SAMD5: variants seen among roughly 807,000 people sequenced by gnomAD.
The protein encoded by SAMD5 is sterile alpha motif domain-containing protein 5.
SAMD5 carries 13 observed loss-of-function variants against 11.3 expected under a neutral mutation model. The observed-to-expected ratio is 1.15, with a 90% CI of 0.75 to 1.83. The LOEUF is 1.83. SAMD5 is among the 40% of genes most tolerant of loss of function. The pLI, the probability that SAMD5 is intolerant of heterozygous loss-of-function variation, is 0.00. For synonymous variants in SAMD5, 129 were observed against 111.3 expected (o/e 1.16, Z -1.00); for missense variants, 255 against 239.1 (o/e 1.07, Z -0.44).
intron 1 of SAMD5, among the ~76,000 whole-genome samples, chr6:147,643,420 T>G (rs2128452572): frequency 6.6e-6 from 1 of 152,276 alleles, no homozygotes; most frequent in African/African-American, 2.4e-5. Flanking sequence ...GAAGGTAATT[T>G]TTTCCAGCTG....
At chr6:147,513,746 G>A (rs776114189) in intron 1 of SAMD5, among the ~76,000 whole-genome samples, 3 of 152,246 alleles carry the variant, frequency 2.0e-5, no homozygotes, top group Non-Finnish European at 4.4e-5. Context: ...TAAGCAGAGG[G>A]TAGGTGGTAA....
At chr6:147,637,811 T>G (rs1790252461) in intron 1 of SAMD5, among the ~76,000 whole-genome samples, 1 of 152,004 alleles carries the variant, frequency 6.6e-6, no homozygotes, top group African/African-American at 2.4e-5. Context: ...GTCATCAGAG[T>G]GCTTTTCTGA....
At chr6:147,638,913 G>A (rs1790271243) in intron 1 of SAMD5, among the ~76,000 whole-genome samples, 1 of 152,104 alleles carries the variant, frequency 6.6e-6, no homozygotes, top group South Asian at 2.1e-4. Flanking sequence ...GTAAGCTAGT[G>A]TTTTCTAATA....
intron 1 of SAMD5, among the ~76,000 whole-genome samples, chr6:147,579,539 C>G (rs1028314268): frequency 3.8e-4 from 53 of 138,484 alleles, no homozygotes; most frequent in African/African-American, 1.4e-3. Context: ...GATCTCAGCT[C>G]ACTGCAACCT....
the SAMD5 span, among the ~76,000 whole-genome samples, chr6:147,897,360 G>A: frequency 2.0e-5 from 3 of 152,150 alleles, no homozygotes; most frequent in Non-Finnish European, 4.4e-5. Flanking sequence ...CCAGCCTTAC[G>A]TCTGGACTAT....
the SAMD5 span, among the ~76,000 whole-genome samples, chr6:147,864,077 C>T: frequency 1.3e-5 from 2 of 152,032 alleles, no homozygotes; most frequent in African/African-American, 4.8e-5. Flanking sequence ...CTCCTGACCT[C>T]ATGATCAACC....
the SAMD5 span, among the ~76,000 whole-genome samples, chr6:147,871,924 T>C: frequency 6.6e-6 from 1 of 152,180 alleles, no homozygotes. Flanking sequence ...TCAAAGTAAT[T>C]AAAGAGAAAC....
chr6:147,590,000 T>A (rs1007880562), intron 1 of SAMD5, among the ~76,000 whole-genome samples: 3 of 152,170 alleles, frequency 2.0e-5, no homozygotes, highest in African/African-American at 7.2e-5. Context: ...TTGCTTTATC[T>A]CTCCAAATAG....
chr6:147,746,348 G>A, the SAMD5 span, among the ~76,000 whole-genome samples: 55 of 152,160 alleles, frequency 3.6e-4, no homozygotes, highest in African/African-American at 1.3e-3. Context: ...GGCTGCGAAT[G>A]AGTACAACAG....
At chr6:147,917,241 T>C in the SAMD5 span, among the ~76,000 whole-genome samples, 1,056 of 140,226 alleles carry the variant, frequency 7.5e-3, 7 homozygotes, top group Non-Finnish European at 0.012. Context: ...TTTTTAATGA[T>C]TGCCATTCTA....
chr6:147,667,649 G>A (rs761835344), intron 1 of SAMD5, among the ~76,000 whole-genome samples: 2 of 152,218 alleles, frequency 1.3e-5, no homozygotes, highest in Non-Finnish European at 1.5e-5. Flanking sequence ...TTTCAAGGAC[G>A]TTGATGTTTT....
At chr6:147,819,306 A>T in the SAMD5 span, among the ~76,000 whole-genome samples, 1 of 152,154 alleles carries the variant, frequency 6.6e-6, no homozygotes, top group Non-Finnish European at 1.5e-5. Flanking sequence ...GAGGGGAACA[A>T]CACACACTGG....
intron 1 of SAMD5, among the ~76,000 whole-genome samples, chr6:147,587,411 A>G (rs1354254939): frequency 6.6e-6 from 1 of 151,810 alleles, no homozygotes; most frequent in Non-Finnish European, 1.5e-5. Context: ...TAATTTTTGT[A>G]TTTTTAGTAG....
At chr6:147,719,080 A>G (rs1791508416) in intron 1 of SAMD5, among the ~76,000 whole-genome samples, 1 of 152,216 alleles carries the variant, frequency 6.6e-6, no homozygotes, top group Non-Finnish European at 1.5e-5. Flanking sequence ...GCTATGGTGG[A>G]TCCCACGCTG....
the SAMD5 span, among the ~76,000 whole-genome samples, chr6:147,808,505 G>A: frequency 1.3e-5 from 2 of 152,156 alleles, 1 homozygote; most frequent in South Asian, 4.1e-4. Flanking sequence ...CACCCAGCCT[G>A]GTTCAGCACT....
At chr6:147,551,174 A>G (rs702329) in intron 1 of SAMD5, among the ~76,000 whole-genome samples, 133,527 of 152,228 alleles carry the variant, frequency 0.88, 58,998 homozygotes, top group East Asian at 0.99. Context: ...ATACTGTTTC[A>G]TTTAGGAATT....
At chr6:147,540,994 G>A (rs1788595200) in intron 1 of SAMD5, among the ~76,000 whole-genome samples, 1 of 126,834 alleles carries the variant, frequency 7.9e-6, no homozygotes, top group South Asian at 2.7e-4. Flanking sequence ...CTGTCACCCA[G>A]GTTGGAGTGT....
At chr6:147,582,160 A>T (rs955466558) in intron 1 of SAMD5, among the ~76,000 whole-genome samples, 5 of 152,066 alleles carry the variant, frequency 3.3e-5, no homozygotes, top group African/African-American at 1.2e-4. Context: ...GAAGTTCGAG[A>T]CCAGGCTGAC....
At chr6:147,795,187 G>C in the SAMD5 span, among the ~76,000 whole-genome samples, 1 of 142,872 alleles carries the variant, frequency 7.0e-6, no homozygotes, top group Non-Finnish European at 1.5e-5. Context: ...CTAGCATTAG[G>C]TATATCTCCC....
Sources: gnomAD v4.1 joint callset for allele counts (sites outside exome capture counted in the v4.1 genomes callset) on GRCh38, gnomAD v4.1.1 for gene constraint, MANE v1.5 for transcripts, NCBI Gene and HGNC (gene_info 2026-07-23, HGNC 2026-07-21) for gene names.